CPB2: variants seen among roughly 807,000 people sequenced by gnomAD.
The protein encoded by CPB2 is carboxypeptidase B2.
A neutral mutation model predicts 57.0 loss-of-function variants in CPB2; 54 were observed. That is an observed-to-expected ratio of 0.95 (90% CI 0.76 to 1.19). The LOEUF (loss-of-function observed/expected upper bound fraction) is 1.19, where lower values mean the gene tolerates loss of function less well. Ranked by LOEUF, CPB2 falls within the 50% of genes most tolerant of loss-of-function variation. The probability of loss-of-function intolerance (pLI) is 0.00; values close to 1 mark genes in which losing one functional copy is unlikely to be tolerated. For synonymous variants in CPB2, 189 were observed against 178.1 expected (o/e 1.06, Z -0.49); for missense variants, 426 against 512.0 (o/e 0.83, Z 1.62).
rs2044609643 is a variant in CPB2 at position 46,053,390 on chromosome 13, A to T, written c.*224T>A. ...AAACGTCGAAAATCAAAGAAAAAGT[A>T]GGTAACTAGACTTTTACAATTTTTT... On this transcript the variant is annotated 3_prime_UTR_variant, in exon 11 of 11. Transcript: ENST00000181383. 7 of 504,740 alleles carry T rather than the reference A, an allele frequency of 1.4e-5. No homozygotes were observed. The highest frequency in any genetic ancestry group is 2.2e-5 in the Non-Finnish European group (7 of 322,164). 31.3% of individuals were successfully genotyped at this position (504,740 alleles called of 1,614,324 possible). A position where few individuals can be genotyped will look rare whatever the true frequency, so the allele number is the denominator to read the frequency against.
intron 3 of CPB2, 104 bp downstream of exon 3, chr13:46,084,115 G>A: frequency 7.3e-7 from 1 of 1,372,216 alleles, no homozygotes; most frequent in South Asian, 1.3e-5. Context: ...ATGCTGCCAT[G>A]GTTAATACAT....
intron 1 of CPB2, among the ~76,000 whole-genome samples, chr13:46,090,143 C>A (rs1250716086): frequency 2.6e-5 from 4 of 151,704 alleles, no homozygotes; most frequent in African/African-American, 9.7e-5. Flanking sequence ...TGCTTCCCCT[C>A]TGCCCTGCCC....
At chr13:46,104,716 A>G (rs757212638) in intron 1 of CPB2, among the ~76,000 whole-genome samples, 1 of 152,350 alleles carries the variant, frequency 6.6e-6, no homozygotes, top group African/African-American at 2.4e-5. Flanking sequence ...GGTTCTCCCA[A>G]TAATAAAACC....
intron 6 of CPB2, among the ~76,000 whole-genome samples, chr13:46,070,041 C>T (rs896454380): frequency 1.3e-5 from 2 of 152,190 alleles, no homozygotes; most frequent in Non-Finnish European, 2.9e-5. Flanking sequence ...ACAATGACTT[C>T]ACTTATGATT....
intron 9 of CPB2, among the ~76,000 whole-genome samples, chr13:46,056,063 T>C (rs1373230521): frequency 6.6e-6 from 1 of 151,892 alleles, no homozygotes; most frequent in Non-Finnish European, 1.5e-5. Flanking sequence ...ACATAAACTA[T>C]TTCAATATAT....
At chr13:46,081,515 C>A (rs1411916566) in intron 4 of CPB2, among the ~76,000 whole-genome samples, 5 of 152,100 alleles carry the variant, frequency 3.3e-5, no homozygotes, top group Non-Finnish European at 7.4e-5. Context: ...CCCCCTCAAT[C>A]AACCAGGCAC....
rs888309325 is a variant in CPB2, at chr13:46,081,100, T to A, written c.384+1341A>T. On this transcript the variant is annotated intron_variant, in intron 4 of 10. Transcript: ENST00000181383. ...CTACTGACACCTTGATCTTCTAGCC[T>A]CTAGAATCATGAGAAAACAAATTTC... Among the ~76,000 whole-genome samples, 6 of 151,812 alleles carry A rather than the reference T, an allele frequency of 4.0e-5. No individual in the cohort carries two copies. The East Asian group carries it at 1.2e-3, about 29-fold the overall frequency.
At chr13:46,069,387 G>A (rs112269492) in intron 6 of CPB2, among the ~76,000 whole-genome samples, 5 of 152,090 alleles carry the variant, frequency 3.3e-5, no homozygotes, top group East Asian at 1.9e-4. Flanking sequence ...GAAATTCAGC[G>A]GTTTTTGGTG....
At chr13:46,073,668 T>C (rs1050567346) in intron 6 of CPB2, among the ~76,000 whole-genome samples, 1 of 149,394 alleles carries the variant, frequency 6.7e-6, no homozygotes, top group African/African-American at 2.5e-5. Context: ...CCAAAAATAT[T>C]TTGGGTGATT....
chr13:46,076,639 C>T (rs2045027034), intron 5 of CPB2, among the ~76,000 whole-genome samples: 1 of 152,064 alleles, frequency 6.6e-6, no homozygotes. Context: ...TTCTAAAATT[C>T]ATATGGAGCC....
At chr13:46,082,582 C>G (rs781500861) in intron 3 of CPB2, 33 bp from the exon 4 acceptor site, 1 of 1,447,148 alleles carries the variant, frequency 6.9e-7, no homozygotes, top group Non-Finnish European at 9.7e-7. Context: ...AGCTAGTTTC[C>G]AAGCAGAGGG....
At chr13:46,082,676 T>C (rs558494294) in intron 3 of CPB2, 127 bp from the exon 4 acceptor site, 44 of 565,214 alleles carry the variant, frequency 7.8e-5, no homozygotes, top group African/African-American at 2.4e-4. Flanking sequence ...AAGCATTTCA[T>C]CAAGGTAAAA....
intron 1 of CPB2, among the ~76,000 whole-genome samples, chr13:46,093,783 A>AT (rs2045328064): frequency 1.3e-5 from 2 of 152,196 alleles, no homozygotes; most frequent in African/African-American, 4.8e-5. Flanking sequence ...GGAAGAACAA[A>AT]TGAGATTCTT....
intron 4 of CPB2, 85 bp from the exon 5 acceptor site, chr13:46,078,986 G>A: frequency 1.2e-6 from 1 of 838,414 alleles, no homozygotes; most frequent in Non-Finnish European, 2.0e-6. Context: ...CTTCTTCAGA[G>A]AAAGGAAAAC....
intron 4 of CPB2, among the ~76,000 whole-genome samples, chr13:46,081,923 A>G (rs928596622): frequency 6.6e-6 from 1 of 150,702 alleles, no homozygotes; most frequent in Middle Eastern, 3.2e-3. Context: ...GTACTGATAG[A>G]AAAAAAATCC....
chr13:46,093,376 A>T (rs771408231), intron 1 of CPB2, among the ~76,000 whole-genome samples: 6 of 152,258 alleles, frequency 3.9e-5, no homozygotes, highest in Non-Finnish European at 7.3e-5. Flanking sequence ...GTTTAGCATA[A>T]ACTATTAAAC....
At chr13:46,079,017 A>G (rs973697822) in intron 4 of CPB2, 116 bp from the exon 5 acceptor site, 8 of 652,714 alleles carry the variant, frequency 1.2e-5, no homozygotes, top group Admixed American at 1.0e-4. Flanking sequence ...GGAATGCACG[A>G]GGACCTAAAG....
intron 8 of CPB2, 35 bp from the exon 9 acceptor site, chr13:46,058,416 G>T (rs2044727251): frequency 3.2e-6 from 5 of 1,568,436 alleles, no homozygotes; most frequent in South Asian, 1.1e-5. Context: ...ATTATGAGGG[G>T]ATGCACATAG....
Position 46,072,763 on chromosome 13 carries a change from A to G in CPB2, c.591+1110T>C, listed in dbSNP as rs142499799. Among the ~76,000 whole-genome samples the G allele has an allele frequency of 7.2e-5, 11 of 152,260 alleles. No individual in the cohort carries two copies. In the East Asian group the frequency reaches 1.7e-3, roughly 24 times the overall value. Reference sequence around the variant, plus strand: ...TTTCTTCTTGGCCCTTCTCATGTTCAGTGATAGAATGGAAAATAAATGTTC... The same window carrying G: ...TTTCTTCTTGGCCCTTCTCATGTTCGGTGATAGAATGGAAAATAAATGTTC... On this transcript the variant is annotated intron_variant, in intron 6 of 10. Coordinates refer to ENST00000181383, the MANE Select transcript of CPB2 (RefSeq NM_001872.5).
Sources: allele counts gnomAD v4.1 joint callset (sites outside exome capture counted in the v4.1 genomes callset), GRCh38; gene constraint gnomAD v4.1.1; transcripts MANE v1.5; gene names NCBI Gene and HGNC (gene_info 2026-07-23, HGNC 2026-07-21).